Variants in IFT88 observed in about 807,000 individuals in gnomAD.
The protein encoded by IFT88 is intraflagellar transport protein 88 homolog.
A neutral mutation model predicts 119.5 loss-of-function variants in IFT88; 74 were observed. The observed-to-expected ratio is 0.62, with a 90% CI of 0.51 to 0.75. IFT88 has a LOEUF of 0.75. IFT88 is among the 30% of genes least tolerant of loss of function. The probability of loss-of-function intolerance (pLI) is 0.00; values close to 1 mark genes in which losing one functional copy is unlikely to be tolerated. For missense variants in IFT88, 961 were observed against 977.7 expected, an observed-to-expected ratio of 0.98 and a Z score of 0.23; for synonymous variants, 279 against 316.7, an observed-to-expected ratio of 0.88 and a Z score of 1.26.
At chr13:20,600,377 A>G (rs958615574) in intron 11 of IFT88, among the ~76,000 whole-genome samples, 3 of 152,140 alleles carry the variant, frequency 2.0e-5, no homozygotes, top group Non-Finnish European at 4.4e-5. Context: ...ATTATTGAGA[A>G]CAAGAATGAT....
At chr13:20,589,034 C>G (rs2040214705) in intron 3 of IFT88, among the ~76,000 whole-genome samples, 1 of 152,136 alleles carries the variant, frequency 6.6e-6, no homozygotes, top group Admixed American at 6.5e-5. Context: ...TAACAGATGC[C>G]TCTAGGAGGA....
chr13:20,687,454 G>T (rs1341504504), intron 24 of IFT88, among the ~76,000 whole-genome samples: 1 of 152,174 alleles, frequency 6.6e-6, no homozygotes, highest in Admixed American at 6.5e-5. Flanking sequence ...TAACAGGCAA[G>T]GACCAGGCTG....
At chr13:20,657,567 T>A (rs1341428226) in intron 22 of IFT88, among the ~76,000 whole-genome samples, 1 of 152,188 alleles carries the variant, frequency 6.6e-6, no homozygotes, top group Non-Finnish European at 1.5e-5. Context: ...AAAGACACAG[T>A]AGATACTTTC....
intron 23 of IFT88, 61 bp downstream of exon 23, chr13:20,663,665 C>A: frequency 2.5e-6 from 3 of 1,188,390 alleles, no homozygotes; most frequent in Non-Finnish European, 3.7e-6. Flanking sequence ...CCTTCTATAG[C>A]TCAAATGTGT....
intron 1 of IFT88, among the ~76,000 whole-genome samples, chr13:20,572,947 T>C (rs2036671211): frequency 6.6e-6 from 1 of 152,176 alleles, no homozygotes; most frequent in African/African-American, 2.4e-5. Flanking sequence ...TGGATAGTAC[T>C]TCATTGCGTA....
intron 21 of IFT88, among the ~76,000 whole-genome samples, chr13:20,655,569 C>G (rs1485497848): frequency 6.6e-6 from 1 of 152,158 alleles, no homozygotes; most frequent in Non-Finnish European, 1.5e-5. Context: ...TCACAGCTCA[C>G]TGCAACTTCC....
intron 7 of IFT88, among the ~76,000 whole-genome samples, chr13:20,595,754 A>C (rs2041529526): frequency 6.6e-6 from 1 of 151,622 alleles, no homozygotes; most frequent in African/African-American, 2.4e-5. Flanking sequence ...TTGAAAGTAA[A>C]TTAGGCTGGG....
intron 24 of IFT88, among the ~76,000 whole-genome samples, chr13:20,678,256 C>G (rs192301290): frequency 1.1e-3 from 167 of 152,284 alleles, no homozygotes; most frequent in African/African-American, 3.8e-3. Context: ...TTGCCAAGAC[C>G]AGCTCAGTTA....
intron 14 of IFT88, among the ~76,000 whole-genome samples, chr13:20,617,018 A>G (rs2045737512): frequency 6.6e-6 from 1 of 151,932 alleles, no homozygotes; most frequent in Non-Finnish European, 1.5e-5. Flanking sequence ...ATCTCGGCTC[A>G]CTGCAAGCTC....
chr13:20,590,049 T>G (rs990845727), intron 4 of IFT88, among the ~76,000 whole-genome samples, 182 bp downstream of exon 4: 1 of 152,198 alleles, frequency 6.6e-6, no homozygotes, highest in Non-Finnish European at 1.5e-5. Context: ...TCATTTTGAT[T>G]TGTAAGTATT....
chr13:20,619,186 AC>A (rs1430042867), intron 14 of IFT88, among the ~76,000 whole-genome samples: 1 of 152,216 alleles, frequency 6.6e-6, no homozygotes, highest in Non-Finnish European at 1.5e-5. Context: ...ATATAAACAT[AC>A]AAAAAATTAT....
intron 23 of IFT88, among the ~76,000 whole-genome samples, 163 bp downstream of exon 23, chr13:20,663,767 A>G (rs2140856613): frequency 6.6e-6 from 1 of 152,362 alleles, no homozygotes; most frequent in South Asian, 2.1e-4. Context: ...TTTGAGGATA[A>G]AATTCTGGCA....
At chr13:20,599,901 T>C (rs1305022253) in intron 11 of IFT88, among the ~76,000 whole-genome samples, 1 of 152,132 alleles carries the variant, frequency 6.6e-6, no homozygotes, top group African/African-American at 2.4e-5. Flanking sequence ...GGCTAGAAAT[T>C]AAGCTCCCCT....
chr13:20,603,382 A>T (rs2042918480), intron 12 of IFT88, among the ~76,000 whole-genome samples: 1 of 134,684 alleles, frequency 7.4e-6, no homozygotes, highest in Admixed American at 7.1e-5. Flanking sequence ...GCAAAACTCC[A>T]TCTCAAAAAA....
chr13:20,649,499 C>T (rs560909273), intron 20 of IFT88, among the ~76,000 whole-genome samples: 138 of 152,072 alleles, frequency 9.1e-4, no homozygotes, highest in Non-Finnish European at 1.8e-3. Flanking sequence ...GCTGCAAAAG[C>T]ATCCCTAAGA....
At chr13:20,620,793 T>C (rs1038918696) in intron 14 of IFT88, among the ~76,000 whole-genome samples, 1 of 152,158 alleles carries the variant, frequency 6.6e-6, no homozygotes, top group Non-Finnish European at 1.5e-5. Context: ...CCTCCCAAAG[T>C]GCTGGGATGA....
At chr13:20,642,839 T>A (rs975073029) in intron 18 of IFT88, 1 of 152,108 alleles carries the variant, frequency 6.6e-6, no homozygotes, top group African/African-American at 2.4e-5. Flanking sequence ...GATCTTCTGG[T>A]GTCACTCTTG....
At chr13:20,609,134 C>G (rs1043147446) in intron 13 of IFT88, among the ~76,000 whole-genome samples, 2 of 152,140 alleles carry the variant, frequency 1.3e-5, no homozygotes, top group African/African-American at 4.8e-5. Flanking sequence ...TGCGTTAGGA[C>G]TGGCTTATGG....
At chr13:20,579,106 G>A (rs1213242116) in intron 2 of IFT88, among the ~76,000 whole-genome samples, 1 of 152,090 alleles carries the variant, frequency 6.6e-6, no homozygotes, top group Non-Finnish European at 1.5e-5. Flanking sequence ...GCATCATTAG[G>A]TTATTTGAAG....
Sources: allele counts gnomAD v4.1 joint callset (sites outside exome capture counted in the v4.1 genomes callset), GRCh38; gene constraint gnomAD v4.1.1; transcripts MANE v1.5; gene names NCBI Gene and HGNC (gene_info 2026-07-23, HGNC 2026-07-21).